The following CAAP1 variants were observed in gnomAD, a reference collection of about 807,000 sequenced individuals.
The protein encoded by CAAP1 is caspase activity and apoptosis inhibitor 1.
In CAAP1, 20 loss-of-function variants were observed where a neutral mutation model predicts 34.0. That is an observed-to-expected ratio of 0.59 (90% CI 0.41 to 0.86). CAAP1 has a LOEUF of 0.86. Among genes scored for constraint, CAAP1 ranks in the 40% least tolerant of loss-of-function variants. CAAP1 has a pLI of 0.00. For missense variants in CAAP1, 538 were observed against 450.5 expected (o/e 1.19, Z -1.76); for synonymous variants, 213 against 166.7 (o/e 1.28, Z -2.14).
At chr9:26,882,155 T>C (rs950321072) in intron 4 of CAAP1, among the ~76,000 whole-genome samples, 2 of 152,124 alleles carry the variant, frequency 1.3e-5, no homozygotes, top group Admixed American at 6.5e-5. Context: ...AGCCTGCCAA[T>C]GCTACAGAAA....
At position 26,891,829 on chromosome 9, in the gene CAAP1, T is replaced by C. The variant is rs16910857; in HGVS notation, c.303+584A>G. On this transcript the variant is annotated intron_variant, in intron 1 of 5. Coordinates refer to ENST00000333916, the MANE Select transcript of CAAP1 (RefSeq NM_024828.4). ...TTGACGCTTTCCCTTTATTTCCTCA[T>C]TGAATGAATTTAAAGTACCTATTCA... is the stretch of plus-strand genomic sequence containing the variant. 6.2e-3 allele frequency among the ~76,000 whole-genome samples: 940 copies of C among 152,350 alleles called. 6 individuals carry two copies. The highest frequency in any genetic ancestry group is 0.021 in the African/African-American group (872 of 41,576).
chr9:26,857,877 C>CA (rs74414103), intron 5 of CAAP1, among the ~76,000 whole-genome samples: 22,384 of 151,866 alleles, frequency 0.15, 2,726 homozygotes, highest in East Asian at 0.66. Context: ...CAGTACTAGA[C>CA]AAAAAAATGC....
rs551866624 is a variant in CAAP1 at position 26,889,832 on chromosome 9, C to G, written c.304-2319G>C. Among the ~76,000 whole-genome samples, 121 of 140,094 alleles carry G rather than the reference C, an allele frequency of 8.6e-4. 1 individual carries two copies. The highest frequency in any genetic ancestry group is 3.0e-3 in the African/African-American group (109 of 36,340). The allele number at this position is 140,094 out of a possible 152,430, so 91.9% of individuals were successfully genotyped here. ...GCAGTGAGCCGAGATCACGCCACTG[C>G]ACTCCAGCCTGGGCGACAGAGCGAG... On this transcript the variant is annotated intron_variant, in intron 1 of 5. Coordinates refer to ENST00000333916, the MANE Select transcript of CAAP1 (RefSeq NM_024828.4).
At chr9:26,881,984 CT>C in intron 4 of CAAP1, among the ~76,000 whole-genome samples, 1 of 152,210 alleles carries the variant, frequency 6.6e-6, no homozygotes, top group East Asian at 1.9e-4. Context: ...GCATTTTGCC[CT>C]TGAGCTAGAG....
intron 4 of CAAP1, among the ~76,000 whole-genome samples, chr9:26,862,010 T>C (rs894303535): frequency 1.3e-5 from 2 of 152,212 alleles, no homozygotes; most frequent in African/African-American, 4.8e-5. Flanking sequence ...ATGTGTTTTG[T>C]ATTAAAACTG....
In CAAP1 at chr9:26,842,314, T is replaced by G. The variant is rs1822499457; in HGVS notation, c.1073A>C (p.Lys358Thr). The stretch of plus-strand genomic sequence containing the variant: ...CAAGTTAAATACCTAGGCTGGCTTT[T>G]TTATATCACCAGCTTTCATTAGGGC... ...IKALMKAGDIKKPA is the reference protein window; with the variant it reads ...IKALMKAGDITKPA Residue 358 changes from lysine to threonine, a missense_variant, in exon 6 of 6, where the codon AAA becomes ACA. Around this residue, in one of 3 missense-constraint regions of CAAP1, gnomAD observed 18 missense variants for 22.3 expected, o/e 0.81. Coordinates refer to ENST00000333916, the MANE Select transcript of CAAP1 (RefSeq NM_024828.4). 1 of 1,567,420 alleles carries G rather than the reference T, an allele frequency of 6.4e-7. No individual in the cohort carries two copies.
intron 5 of CAAP1, among the ~76,000 whole-genome samples, chr9:26,855,189 T>C (rs1305301444): frequency 5.9e-5 from 9 of 152,104 alleles, no homozygotes; most frequent in Admixed American, 5.9e-4. Flanking sequence ...CACAAAGACA[T>C]AGAGGAACTT....
chr9:26,883,151 C>G (rs4316229), intron 4 of CAAP1, among the ~76,000 whole-genome samples: 38,746 of 151,926 alleles, frequency 0.26, 6,466 homozygotes, highest in East Asian at 0.69. Flanking sequence ...AGGCATGATT[C>G]GTTTTTCAAA....
intron 4 of CAAP1, among the ~76,000 whole-genome samples, chr9:26,868,859 C>T (rs976068919): frequency 1.3e-5 from 2 of 152,180 alleles, no homozygotes; most frequent in African/African-American, 2.4e-5. Flanking sequence ...CAACTAAATG[C>T]AATGTGTACT....
At chr9:26,857,477 CA>C (rs550697258) in intron 5 of CAAP1, among the ~76,000 whole-genome samples, 115 of 152,200 alleles carry the variant, frequency 7.6e-4, no homozygotes, top group African/African-American at 2.7e-3. Context: ...ACTAAAAATA[CA>C]AAAATTAGCC....
chr9:26,848,669 GAT>G (rs1043852080), intron 5 of CAAP1, among the ~76,000 whole-genome samples: 4 of 152,142 alleles, frequency 2.6e-5, no homozygotes, highest in African/African-American at 9.7e-5. Flanking sequence ...TGTTATAGAT[GAT>G]AATAAAAACA....
At chr9:26,852,790 C>T (rs1244161413) in intron 5 of CAAP1, among the ~76,000 whole-genome samples, 3 of 151,364 alleles carry the variant, frequency 2.0e-5, no homozygotes, top group South Asian at 2.1e-4. Flanking sequence ...AGAAGGTTTA[C>T]GAGCTCTGGA....
chr9:26,857,641 AAAAG>A (rs1822904975), intron 5 of CAAP1, among the ~76,000 whole-genome samples: 1 of 152,182 alleles, frequency 6.6e-6, no homozygotes, highest in Admixed American at 6.5e-5. Context: ...ACAAAAACAA[AAAAG>A]AAAGAAAGGA....
chr9:26,881,745 A>G (rs1823597760), intron 4 of CAAP1, among the ~76,000 whole-genome samples: 2 of 152,228 alleles, frequency 1.3e-5, no homozygotes, highest in South Asian at 4.1e-4. Flanking sequence ...TGTGAAAGTA[A>G]CTTTGGAACT....
At chr9:26,879,962 T>C (rs1823546053) in intron 4 of CAAP1, among the ~76,000 whole-genome samples, 1 of 152,110 alleles carries the variant, frequency 6.6e-6, no homozygotes, top group East Asian at 1.9e-4. Context: ...CAATTCTCCT[T>C]AATAAACTCC....
chr9:26,860,136 G>C (rs777557492), intron 5 of CAAP1, among the ~76,000 whole-genome samples: 41 of 152,042 alleles, frequency 2.7e-4, no homozygotes, highest in Non-Finnish European at 5.6e-4. Flanking sequence ...AATTTTTACT[G>C]TTCTGAATTA....
intron 5 of CAAP1, among the ~76,000 whole-genome samples, chr9:26,847,436 G>A (rs1410388520): frequency 6.6e-6 from 1 of 151,156 alleles, no homozygotes; most frequent in Non-Finnish European, 1.5e-5. Context: ...GGATGGTCTC[G>A]ATCTCCTGAC....
At position 26,886,152 on chromosome 9, in the gene CAAP1, C is replaced by G. The variant is rs755705665; in HGVS notation, c.541G>C (p.Glu181Gln). The change falls in exon 3 of 6, where the codon GAA (glutamate) becomes CAA (glutamine). Residue 181 changes from glutamate to glutamine, a missense_variant. Physicochemically the swap from Glu to Gln is conservative, Grantham distance 29. This residue lies in a region of CAAP1 where 514 missense variants were observed against 408.4 expected (regional missense o/e 1.26). Transcript: ENST00000333916. ...SIEEIKKLCQ[E>Q]QLELLSEKKI... Reference sequence around the variant, plus strand: ...TTTTCAGACAGGAGCTCTAACTGTTCCTGGCATAGTTTTTTAATTTCTTCT... The same window carrying G: ...TTTTCAGACAGGAGCTCTAACTGTTGCTGGCATAGTTTTTTAATTTCTTCT... 8 of 1,553,892 alleles carry G rather than the reference C, an allele frequency of 5.1e-6. No homozygotes were observed. The highest frequency in any genetic ancestry group is 1.3e-5 in the South Asian group (1 of 77,358).
At position 26,892,433 on chromosome 9, in the gene CAAP1, C is replaced by G. The variant is rs774328014; in HGVS notation, c.283G>C (p.Val95Leu). ...RKRRSTDSSS[V>L]SGSLQQETKY... ...CGCACCTGCTGCAAGGAGCCCGAGA[C>G]GCTGGAAGAGTCGGTACTCCTCCGC... Residue 95 changes from valine to leucine, a missense_variant, in exon 1 of 6, where the codon GTC becomes CTC. Transcript: ENST00000333916. The G allele has an allele frequency of 2.5e-6, 4 of 1,603,044 alleles. No homozygotes were observed. Among genetic ancestry groups the G allele is most frequent in the Non-Finnish European group, 3.4e-6 (4 of 1,176,732 alleles).
Sources: gnomAD v4.1 joint callset for allele counts (sites outside exome capture counted in the v4.1 genomes callset) on GRCh38, gnomAD v4.1.1 for gene constraint, gnomAD v4.1.1 regional missense constraint, MANE v1.5 for transcripts, NCBI Gene and HGNC (gene_info 2026-07-23, HGNC 2026-07-21) for gene names.